The following MDH1B variants were observed in gnomAD, a reference collection of about 807,000 sequenced individuals.
MDH1B encodes putative malate dehydrogenase 1B.
A neutral mutation model predicts 61.4 loss-of-function variants in MDH1B; 60 were observed. The ratio of observed to expected loss-of-function variants is 0.98; its 90% CI spans 0.79 to 1.21. The LOEUF (loss-of-function observed/expected upper bound fraction) is 1.21, where lower values mean the gene tolerates loss of function less well. Among genes scored for constraint, MDH1B ranks in the 50% most tolerant of loss-of-function variants. The pLI is 0.00. For synonymous variants in MDH1B, 236 were observed against 218.7 expected, an observed-to-expected ratio of 1.08 and a Z score of -0.70; for missense variants, 587 against 632.1, an observed-to-expected ratio of 0.93 and a Z score of 0.76.
rs536554886 is a variant in MDH1B at position 206,743,058 on chromosome 2, G to A, written c.1409-1954C>T. Among the ~76,000 whole-genome samples, 191 of 152,048 alleles carry A rather than the reference G, an allele frequency of 1.3e-3. 1 individual carries two copies. In the Middle Eastern group the frequency reaches 0.014, roughly 11 times the overall value. Reference sequence around the variant, plus strand: ...AAACAGAAATCTGGAGAACAGGTATGGGAATGGATATTAAGGGTATGGGAT... The same window carrying A: ...AAACAGAAATCTGGAGAACAGGTATAGGAATGGATATTAAGGGTATGGGAT... On this transcript the variant is annotated intron_variant, in intron 9 of 11. Transcript: ENST00000374412.
chr2:206,756,254 A>G (rs1456872532), intron 4 of MDH1B, among the ~76,000 whole-genome samples: 3 of 152,206 alleles, frequency 2.0e-5, no homozygotes, highest in African/African-American at 7.2e-5. Context: ...CATCATTCTC[A>G]ATTCCTTTCT....
intron 1 of MDH1B, among the ~76,000 whole-genome samples, chr2:206,764,985 C>A (rs932848364): frequency 6.6e-6 from 1 of 152,194 alleles, no homozygotes; most frequent in African/African-American, 2.4e-5. Context: ...TCTCCTTCAT[C>A]GCGTTAATCA....
intron 5 of MDH1B, among the ~76,000 whole-genome samples, chr2:206,754,091 A>T (rs1270473980): frequency 1.3e-5 from 2 of 152,246 alleles, no homozygotes; most frequent in Admixed American, 1.3e-4. Flanking sequence ...TACTAAAGAT[A>T]TGTATGCAAG....
chr2:206,742,971 T>A (rs887861106), intron 9 of MDH1B, among the ~76,000 whole-genome samples: 3 of 152,140 alleles, frequency 2.0e-5, no homozygotes, highest in Non-Finnish European at 4.4e-5. Context: ...CACCTCGGCC[T>A]CCCAAAGTGC....
At chr2:206,739,715 G>A in intron 10 of MDH1B, 54 bp from the exon 11 acceptor site, 1 of 1,533,824 alleles carries the variant, frequency 6.5e-7, no homozygotes, top group Non-Finnish European at 9.0e-7. Flanking sequence ...AATAATTTTT[G>A]CAGTTATTTC....
chr2:206,755,010 T>C lies in MDH1B; in HGVS notation c.909A>G (p.Ser303=), dbSNP rs756313557. The change falls in exon 5 of 12, where the codon TCA becomes TCG. Residue 303 remains serine (S), a splice_region_variant and synonymous_variant. Coordinates refer to ENST00000374412, the MANE Select transcript of MDH1B (RefSeq NM_001039845.3). ...AAACATAAAGAGACATTCACTCACATGAAGGAGCTGTCTTCAGTTTTCTGG... is the reference window on the plus strand; with the variant it reads ...AAACATAAAGAGACATTCACTCACACGAAGGAGCTGTCTTCAGTTTTCTGG... ...ILARKLKTAP[S]YIKDVIIWGN... is the part of the protein sequence containing the mutation. 3 of 1,610,428 alleles carry C rather than the reference T, an allele frequency of 1.9e-6. No homozygotes were observed.
rs549132526 is a variant in MDH1B at position 206,753,266 on chromosome 2, A to G, written c.910+1743T>C. Among the ~76,000 whole-genome samples the G allele has an allele frequency of 1.8e-4, 28 of 152,310 alleles. No individual in the cohort carries two copies. The South Asian group carries it at 5.8e-3, about 32-fold the overall frequency. ...CCTGTGTTTTTCAGTTATGTGGGGA[A>G]AAAAGTTCTCTACTTGACTTCAATC... On this transcript the variant is annotated intron_variant, in intron 5 of 11. Coordinates refer to ENST00000374412, the MANE Select transcript of MDH1B (RefSeq NM_001039845.3).
In MDH1B at chr2:206,755,349, G is replaced by T. The variant is rs762303891; in HGVS notation, c.570C>A (p.Pro190=). Reference sequence around the variant, plus strand: ...TGCAGATGGAGACACTGCGCAGGACGGGAGATGCCAGGTCTTGGGTCTCCA... The same window carrying T: ...TGCAGATGGAGACACTGCGCAGGACTGGAGATGCCAGGTCTTGGGTCTCCA... ...LVVETQDLAS[P]VLRSVSICTK... is the part of the protein sequence containing the mutation. Residue 190 remains proline (P), a synonymous_variant, in exon 5 of 12, where the codon CCC becomes CCA. Coordinates refer to ENST00000374412, the MANE Select transcript of MDH1B (RefSeq NM_001039845.3). The T allele has an allele frequency of 1.2e-6, 2 of 1,614,180 alleles. No homozygotes were observed. Among genetic ancestry groups the T allele is most frequent in the Non-Finnish European group, 1.7e-6 (2 of 1,180,034 alleles).
intron 10 of MDH1B, among the ~76,000 whole-genome samples, chr2:206,740,390 G>A (rs998202713): frequency 6.6e-6 from 1 of 152,126 alleles, no homozygotes; most frequent in Non-Finnish European, 1.5e-5. Flanking sequence ...TTCATTAAGT[G>A]GAAATGGATC....
In MDH1B at chr2:206,737,814, A is replaced by G. The variant is rs560542611; in HGVS notation, c.*669T>C. On this transcript the variant is annotated 3_prime_UTR_variant, in exon 12 of 12. Coordinates refer to ENST00000374412, the MANE Select transcript of MDH1B (RefSeq NM_001039845.3). ...GGCCATATCTCTTGTCAAGGAGCAGAAACCTATTCAATCTAAGCTTTAAAA... is the reference window on the plus strand; with the variant it reads ...GGCCATATCTCTTGTCAAGGAGCAGGAACCTATTCAATCTAAGCTTTAAAA... The G allele has an allele frequency of 6.6e-6, 1 of 152,348 alleles. No individual in the cohort carries two copies. The highest frequency in any genetic ancestry group is 1.9e-4 in the East Asian group (1 of 5,190). 9.4% of individuals were successfully genotyped at this position (152,348 alleles called of 1,614,324 possible). A position where few individuals can be genotyped will look rare whatever the true frequency, so the allele number is the denominator to read the frequency against.
intron 2 of MDH1B, among the ~76,000 whole-genome samples, chr2:206,758,963 GT>G (rs1374908161): frequency 0.013 from 1,380 of 108,592 alleles, 16 homozygotes; most frequent in African/African-American, 0.04. Context: ...AAGGCTGTTT[GT>G]TTTTTTTTTT....
At position 206,749,155 on chromosome 2, in the gene MDH1B, T is replaced by A; in HGVS notation, c.1081A>T (p.Ile361Phe). ...SEWVKREFVA[I>F]LKNLTTTGRQ... ...CCTGTGGTGGTCAAGTTTTTAAGAA[T>A]TGCCACAAATTCTCTTTTTACCCAC... Residue 361 changes from isoleucine to phenylalanine, a missense_variant, in exon 7 of 12, where the codon ATT becomes TTT. Ile to Phe is a conservative substitution (Grantham distance 21). Coordinates refer to ENST00000374412, the MANE Select transcript of MDH1B (RefSeq NM_001039845.3). 6.2e-7 allele frequency: 1 copy of A among 1,613,978 alleles called. No individual in the cohort carries two copies. The highest frequency in any genetic ancestry group is 8.5e-7 in the Non-Finnish European group (1 of 1,179,970).
chr2:206,758,564 G>A lies in MDH1B; in HGVS notation c.136-1193C>T, dbSNP rs890666958. Among the ~76,000 whole-genome samples, 6 of 152,052 alleles carry A rather than the reference G, an allele frequency of 3.9e-5. No homozygotes were observed. The East Asian group carries it at 9.6e-4, about 24-fold the overall frequency. On this transcript the variant is annotated intron_variant, in intron 2 of 11. Coordinates refer to ENST00000374412, the MANE Select transcript of MDH1B (RefSeq NM_001039845.3). ...GGGGAACATCTGAGGTCAAGAGTTCGAGACAAGCCTGGTCAACATGGTGAA... is the reference window on the plus strand; with the variant it reads ...GGGGAACATCTGAGGTCAAGAGTTCAAGACAAGCCTGGTCAACATGGTGAA...
At position 206,746,344 on chromosome 2, in the gene MDH1B, G is replaced by A; in HGVS notation, c.1299C>T (p.Leu433=). Residue 433 remains leucine (L), a synonymous_variant, in exon 8 of 12, where the codon CTC becomes CTT. Transcript: ENST00000374412. ...TTTGTTCACTTATTTCAACATCTTT[G>A]AGATCTGTAAGAACCACCCAAGTTC... ...ENGTWVVLTD[L]KDVEISEQIM... The A allele has an allele frequency of 6.2e-7, 1 of 1,613,756 alleles. No homozygotes were observed. The highest frequency in any genetic ancestry group is 2.2e-5 in the East Asian group (1 of 44,836).
chr2:206,744,968 G>A (rs1460395908), intron 9 of MDH1B, among the ~76,000 whole-genome samples: 2 of 150,506 alleles, frequency 1.3e-5, no homozygotes, highest in East Asian at 3.9e-4. Context: ...TATATATGTT[G>A]AAGTCCTAAC....
At chr2:206,740,874 T>C (rs1002574182) in intron 10 of MDH1B, among the ~76,000 whole-genome samples, 180 bp downstream of exon 10, 1 of 152,234 alleles carries the variant, frequency 6.6e-6, no homozygotes, top group Non-Finnish European at 1.5e-5. Flanking sequence ...GTTTTAGTGC[T>C]TTTTAAAAAA....
intron 5 of MDH1B, 49 bp from the exon 6 acceptor site, chr2:206,751,124 T>TA (rs1393606382): frequency 6.6e-6 from 9 of 1,361,498 alleles, no homozygotes; most frequent in Non-Finnish European, 8.9e-6. Context: ...TATGTTAATA[T>TA]AAAAAATTGC....
chr2:206,740,341 T>C, intron 10 of MDH1B, among the ~76,000 whole-genome samples: 1 of 152,226 alleles, frequency 6.6e-6, no homozygotes. Context: ...AAGAAAATGT[T>C]ATTAAGAAAA....
At chr2:206,751,107 A>T in intron 5 of MDH1B, 32 bp from the exon 6 acceptor site, 1 of 1,453,150 alleles carries the variant, frequency 6.9e-7, no homozygotes, top group Non-Finnish European at 9.3e-7. Flanking sequence ...GAAAAATAAT[A>T]ATAATGTATG....
Sources: gnomAD v4.1 joint callset for allele counts (sites outside exome capture counted in the v4.1 genomes callset) on GRCh38, gnomAD v4.1.1 for gene constraint, MANE v1.5 for transcripts, NCBI Gene and HGNC (gene_info 2026-07-23, HGNC 2026-07-21) for gene names.